Variants in PTPN9 observed in about 807,000 individuals in gnomAD.
PTPN9 encodes tyrosine-protein phosphatase non-receptor type 9.
A neutral mutation model predicts 69.8 loss-of-function variants in PTPN9; 26 were observed. The ratio of observed to expected loss-of-function variants is 0.37; its 90% CI spans 0.27 to 0.52. The LOEUF (loss-of-function observed/expected upper bound fraction) is 0.52, where lower values mean the gene tolerates loss of function less well. PTPN9 is among the 20% of genes least tolerant of loss of function. The pLI, the probability that PTPN9 is intolerant of heterozygous loss-of-function variation, is 0.91. For missense variants in PTPN9, 549 were observed against 740.3 expected (o/e 0.74, Z 3.00); for synonymous variants, 274 against 272.5 (o/e 1.01, Z -0.05).
chr15:75,463,358 G>C lies in PTPN9; in HGVS notation c.*5411C>G, dbSNP rs2074524117. ...TGAAATGGCTGACCTTTACTCAGGTGCACATCTGGCCAGTCTTGAGGCTTT... is the reference window on the plus strand; with the variant it reads ...TGAAATGGCTGACCTTTACTCAGGTCCACATCTGGCCAGTCTTGAGGCTTT... On this transcript the variant is annotated 3_prime_UTR_variant, in exon 13 of 13. Coordinates refer to ENST00000618819, the MANE Select transcript of PTPN9 (RefSeq NM_002833.4). 6.6e-6 allele frequency: 1 copy of C among 152,186 alleles called. No individual in the cohort carries two copies. The allele number at this position is 152,186 out of a possible 1,614,324, so 9.4% of individuals were successfully genotyped here. A position where few individuals can be genotyped will look rare whatever the true frequency, so the allele number is the denominator to read the frequency against.
chr15:75,501,545 G>C (rs1396010182), intron 7 of PTPN9, among the ~76,000 whole-genome samples: 1 of 149,406 alleles, frequency 6.7e-6, no homozygotes, highest in Admixed American at 6.8e-5. Context: ...ACTCACTGTG[G>C]TCTTGACCTC....
At chr15:75,530,585 A>T (rs1478691896) in intron 1 of PTPN9, among the ~76,000 whole-genome samples, 29 of 81,676 alleles carry the variant, frequency 3.6e-4, no homozygotes, top group African/African-American at 1.3e-3. Context: ...ATATACTATA[A>T]TATATATTAT....
intron 7 of PTPN9, among the ~76,000 whole-genome samples, chr15:75,495,710 AACC>A (rs957599578): frequency 1.3e-5 from 2 of 151,758 alleles, no homozygotes; most frequent in African/African-American, 4.8e-5. Flanking sequence ...TCAAAACAAC[AACC>A]ACAACAACAA....
chr15:75,499,399 C>T (rs796742492), intron 7 of PTPN9, among the ~76,000 whole-genome samples: 15 of 84,510 alleles, frequency 1.8e-4, no homozygotes, highest in Admixed American at 4.4e-4. Flanking sequence ...TCTAAACCCA[C>T]TTTTTTTTTT....
Position 75,577,069 on chromosome 15 carries a change from C to T in PTPN9, c.63+1645G>A, listed in dbSNP as rs531198605. ...GTTTCCATCCTAGTCCTTGTTAATG[C>T]CCATCACATTCAATTCAGGGTAAAA... On this transcript the variant is annotated intron_variant, in intron 1 of 12. Coordinates refer to ENST00000618819, the MANE Select transcript of PTPN9 (RefSeq NM_002833.4). Among the ~76,000 whole-genome samples the T allele has an allele frequency of 7.2e-5, 11 of 152,224 alleles. No individual in the cohort carries two copies. The East Asian group carries it at 1.7e-3, about 24-fold the overall frequency.
chr15:75,572,711 A>T (rs981542317), intron 1 of PTPN9, among the ~76,000 whole-genome samples: 2 of 152,180 alleles, frequency 1.3e-5, no homozygotes, highest in African/African-American at 4.8e-5. Context: ...TGTCTCAAAA[A>T]AAAAGAAAAA....
intron 1 of PTPN9, among the ~76,000 whole-genome samples, chr15:75,566,458 G>C (rs1266611648): frequency 2.0e-5 from 3 of 152,210 alleles, no homozygotes; most frequent in South Asian, 2.1e-4. Context: ...GAGGTGGGCA[G>C]ATGACCTGAG....
chr15:75,523,417 T>C (rs11636031), intron 3 of PTPN9, among the ~76,000 whole-genome samples, 172 bp from the exon 4 acceptor site: 52,009 of 151,906 alleles, frequency 0.34, 10,196 homozygotes, highest in African/African-American at 0.53. Context: ...TCATCCTTTG[T>C]CTGATTCTCC....
intron 4 of PTPN9, among the ~76,000 whole-genome samples, chr15:75,521,374 C>T (rs952167796): frequency 1.3e-5 from 2 of 151,366 alleles, no homozygotes; most frequent in Non-Finnish European, 2.9e-5. Context: ...ATGGCACGAA[C>T]CCGGGAGTCG....
intron 1 of PTPN9, among the ~76,000 whole-genome samples, chr15:75,548,289 CTT>C (rs1396626712): frequency 6.7e-6 from 1 of 150,214 alleles, no homozygotes; most frequent in Non-Finnish European, 1.5e-5. Flanking sequence ...GAATCTCACT[CTT>C]GTCACCCAGG....
Position 75,507,172 on chromosome 15 carries a change from G to A in PTPN9, c.640-1169C>T, listed in dbSNP as rs529101736. ...TAGAAAAGATCTCTCCAGCTGGCAC[G>A]GTGGCTCATGCCTATAATCCCAGCA... On this transcript the variant is annotated intron_variant, in intron 6 of 12. Coordinates refer to ENST00000618819, the MANE Select transcript of PTPN9 (RefSeq NM_002833.4). 3.3e-5 allele frequency among the ~76,000 whole-genome samples: 5 copies of A among 152,230 alleles called. No individual in the cohort carries two copies. In the South Asian group the frequency reaches 6.2e-4, roughly 19 times the overall value.
intron 7 of PTPN9, among the ~76,000 whole-genome samples, chr15:75,500,692 A>G: frequency 6.6e-6 from 1 of 151,788 alleles, no homozygotes; most frequent in East Asian, 1.9e-4. Context: ...GGGGTTCAAG[A>G]CCAGCCTGGG....
At chr15:75,472,373 G>A (rs189915375) in intron 10 of PTPN9, among the ~76,000 whole-genome samples, 30 of 152,026 alleles carry the variant, frequency 2.0e-4, no homozygotes, top group African/African-American at 7.0e-4. Flanking sequence ...GCAGGAGAAT[G>A]GCGTGAACCC....
chr15:75,481,848 C>G (rs2074637330), intron 8 of PTPN9, among the ~76,000 whole-genome samples: 1 of 142,808 alleles, frequency 7.0e-6, no homozygotes, highest in Non-Finnish European at 1.5e-5. Context: ...GGTCAGCGCC[C>G]CTGCCTGGCC....
chr15:75,466,500 A>G lies in PTPN9; in HGVS notation c.*2269T>C, dbSNP rs1283597428. The stretch of plus-strand genomic sequence containing the variant: ...ATAGATATGGAGTCTCCTGGGGAGA[A>G]TGATAACCCCTTTGGTACGCTGCAG... On this transcript the variant is annotated 3_prime_UTR_variant, in exon 13 of 13. Transcript: ENST00000618819. The G allele has an allele frequency of 1.3e-5, 2 of 152,214 alleles. No homozygotes were observed. The highest frequency in any genetic ancestry group is 6.5e-5 in the Admixed American group (1 of 15,268). 9.4% of individuals were successfully genotyped at this position (152,214 alleles called of 1,614,324 possible). A position where few individuals can be genotyped will look rare whatever the true frequency, so the allele number is the denominator to read the frequency against.
chr15:75,544,171 T>C (rs970414402), intron 1 of PTPN9, among the ~76,000 whole-genome samples: 2 of 152,102 alleles, frequency 1.3e-5, no homozygotes, highest in Non-Finnish European at 2.9e-5. Context: ...AGAAAATTCA[T>C]GTTAGGAGGT....
At chr15:75,478,910 A>G (rs1440328423) in intron 9 of PTPN9, among the ~76,000 whole-genome samples, 2 of 152,192 alleles carry the variant, frequency 1.3e-5, no homozygotes, top group Non-Finnish European at 2.9e-5. Context: ...CTGTATTATG[A>G]TTTCCTCCTA....
At chr15:75,481,311 C>CG (rs1179049133) in intron 8 of PTPN9, among the ~76,000 whole-genome samples, 1 of 69,780 alleles carries the variant, frequency 1.4e-5, no homozygotes, top group Non-Finnish European at 2.9e-5. Flanking sequence ...GCGTCTCCGC[C>CG]GGGCAGCCAC....
At position 75,578,599 on chromosome 15, in the gene PTPN9, G is replaced by C. The variant is rs373493154; in HGVS notation, c.63+115C>G. On this transcript the variant is annotated intron_variant, in intron 1 of 12. Transcript: ENST00000618819. ...TGAGGGAGGCCCGCGAGCCGGGCAC[G>C]GGAGCGGGGGGCTGCGGCCCCGTGG... 28 of 891,722 alleles carry C rather than the reference G, an allele frequency of 3.1e-5. No homozygotes were observed. The African/African-American group carries it at 4.8e-4, about 15-fold the overall frequency. 55.2% of individuals were successfully genotyped at this position (891,722 alleles called of 1,614,324 possible).
Sources: gnomAD v4.1 joint callset for allele counts (sites outside exome capture counted in the v4.1 genomes callset) on GRCh38, gnomAD v4.1.1 for gene constraint, MANE v1.5 for transcripts, NCBI Gene and HGNC (gene_info 2026-07-23, HGNC 2026-07-21) for gene names.